Variants in FUT9 observed in about 807,000 individuals in gnomAD.
FUT9 encodes fucosyltransferase 9, also known as 4-galactosyl-N-acetylglucosaminide 3-alpha-L-fucosyltransferase 9.
FUT9 carries 15 observed loss-of-function variants against 29.7 expected under a neutral mutation model. The ratio of observed to expected loss-of-function variants is 0.51; its 90% CI spans 0.34 to 0.78. The LOEUF (loss-of-function observed/expected upper bound fraction) is 0.78. FUT9 is among the 30% of genes least tolerant of loss of function. The probability of loss-of-function intolerance (pLI) is 0.01; values close to 1 mark genes in which losing one functional copy is unlikely to be tolerated. For missense variants in FUT9, 319 were observed against 425.4 expected, an observed-to-expected ratio of 0.75 and a Z score of 2.20; for synonymous variants, 169 against 153.7, an observed-to-expected ratio of 1.10 and a Z score of -0.74.
intron 2 of FUT9, among the ~76,000 whole-genome samples, chr6:96,131,920 T>TA (rs1405181143): frequency 6.6e-6 from 1 of 152,116 alleles, no homozygotes; most frequent in African/African-American, 2.4e-5. Context: ...TTACAAGAGT[T>TA]ATTTTTCCTA....
At chr6:96,089,448 C>G (rs1012060032) in intron 1 of FUT9, among the ~76,000 whole-genome samples, 5 of 152,144 alleles carry the variant, frequency 3.3e-5, no homozygotes, top group African/African-American at 1.2e-4. Context: ...GTTTGCATCT[C>G]CTTTCTCAAA....
intron 1 of FUT9, among the ~76,000 whole-genome samples, chr6:96,060,910 A>G (rs1347652409): frequency 1.3e-5 from 2 of 152,212 alleles, no homozygotes; most frequent in Non-Finnish European, 2.9e-5. Flanking sequence ...TTCAATTAAT[A>G]AAAAAGACTT....
intron 1 of FUT9, among the ~76,000 whole-genome samples, chr6:96,025,450 C>T (rs970048296): frequency 4.0e-5 from 6 of 151,740 alleles, no homozygotes; most frequent in African/African-American, 1.5e-4. Context: ...CTGATTCTTA[C>T]AGACTTCTCT....
chr6:96,030,735 C>A (rs189643422), intron 1 of FUT9, among the ~76,000 whole-genome samples: 1 of 151,494 alleles, frequency 6.6e-6, no homozygotes, highest in Admixed American at 6.6e-5. Flanking sequence ...CCTAAGTGTC[C>A]ATCAACTGCT....
chr6:96,042,185 G>A (rs1441678186), intron 1 of FUT9, among the ~76,000 whole-genome samples: 1 of 152,056 alleles, frequency 6.6e-6, no homozygotes, highest in Non-Finnish European at 1.5e-5. Flanking sequence ...ACAGCCTCTG[G>A]GCAGGCATGG....
chr6:96,158,813 G>T (rs1435285253), intron 2 of FUT9, among the ~76,000 whole-genome samples: 1 of 151,922 alleles, frequency 6.6e-6, no homozygotes, highest in Non-Finnish European at 1.5e-5. Flanking sequence ...AACCTCTTAG[G>T]CTTGAATCCT....
chr6:96,022,434 C>T (rs1004342470), intron 1 of FUT9, among the ~76,000 whole-genome samples: 2 of 152,038 alleles, frequency 1.3e-5, no homozygotes, highest in Admixed American at 1.3e-4. Context: ...GGAAAGACAT[C>T]TGGAGGTGTT....
intron 2 of FUT9, among the ~76,000 whole-genome samples, chr6:96,150,129 A>G (rs1488724265): frequency 2.6e-5 from 4 of 152,174 alleles, no homozygotes; most frequent in Admixed American, 6.5e-5. Context: ...GTCATGTCCA[A>G]GAATAGAATA....
At chr6:96,082,746 G>A (rs1054976099) in intron 1 of FUT9, among the ~76,000 whole-genome samples, 9 of 151,812 alleles carry the variant, frequency 5.9e-5, no homozygotes, top group South Asian at 2.1e-4. Flanking sequence ...AAATTGCATC[G>A]TTAATATATT....
chr6:96,114,821 A>G (rs1014281540), intron 2 of FUT9, among the ~76,000 whole-genome samples: 1 of 152,178 alleles, frequency 6.6e-6, no homozygotes. Flanking sequence ...ATGAGAAAGA[A>G]ATAAAACAGC....
intron 1 of FUT9, among the ~76,000 whole-genome samples, chr6:96,113,341 C>G (rs1016797993): frequency 1.3e-5 from 2 of 151,744 alleles, no homozygotes; most frequent in Non-Finnish European, 2.9e-5. Context: ...GAGGTTCAAG[C>G]GATTCTCCTG....
intron 1 of FUT9, among the ~76,000 whole-genome samples, chr6:96,029,876 G>A (rs775511425): frequency 6.6e-6 from 1 of 151,456 alleles, no homozygotes; most frequent in Non-Finnish European, 1.5e-5. Context: ...GCAAAATGAA[G>A]GTGAGAAGTG....
intron 2 of FUT9, among the ~76,000 whole-genome samples, chr6:96,121,484 TTA>T (rs1399488399): frequency 6.6e-6 from 1 of 152,160 alleles, no homozygotes; most frequent in Non-Finnish European, 1.5e-5. Flanking sequence ...GAGTGAATAT[TTA>T]TGTTATCAAG....
At chr6:96,178,116 G>A (rs1459719753) in intron 2 of FUT9, among the ~76,000 whole-genome samples, 1 of 152,136 alleles carries the variant, frequency 6.6e-6, no homozygotes, top group Admixed American at 6.6e-5. Context: ...CAGAGGCCCA[G>A]AACATAATGG....
Position 96,208,847 on chromosome 6 carries a change from T to C in FUT9, c.*4612T>C, listed in dbSNP as rs932693383. 1 of 166,498 alleles carries C rather than the reference T, an allele frequency of 6.0e-6. No homozygotes were observed. The highest frequency in any genetic ancestry group is 1.5e-5 in the Non-Finnish European group (1 of 67,984). 10.3% of individuals were successfully genotyped at this position (166,498 alleles called of 1,614,324 possible). A position where few individuals can be genotyped will look rare whatever the true frequency, so the allele number is the denominator to read the frequency against. ...TTACCAAACCACATGGAGAGAAATA[T>C]AGTCTCTCTCCTAACTTCATTCCAT... On this transcript the variant is annotated 3_prime_UTR_variant, in exon 3 of 3. Coordinates refer to ENST00000302103, the MANE Select transcript of FUT9 (RefSeq NM_006581.4).
intron 1 of FUT9, among the ~76,000 whole-genome samples, chr6:96,024,264 T>A (rs1485060746): frequency 6.6e-6 from 1 of 151,836 alleles, no homozygotes; most frequent in Non-Finnish European, 1.5e-5. Context: ...TAGGTGCATA[T>A]GTCATTTGAT....
At chr6:96,179,971 T>C (rs1012765419) in intron 2 of FUT9, among the ~76,000 whole-genome samples, 2 of 152,114 alleles carry the variant, frequency 1.3e-5, no homozygotes, top group Admixed American at 6.6e-5. Context: ...TAGTGACACA[T>C]TCATGCTGTA....
chr6:96,043,715 G>T (rs918272191), intron 1 of FUT9, among the ~76,000 whole-genome samples: 6 of 152,176 alleles, frequency 3.9e-5, no homozygotes, highest in African/African-American at 1.4e-4. Context: ...TAGTTGGAAA[G>T]AATGCTCCCA....
At chr6:96,126,844 G>A (rs1055724381) in intron 2 of FUT9, among the ~76,000 whole-genome samples, 10 of 152,252 alleles carry the variant, frequency 6.6e-5, no homozygotes, top group African/African-American at 2.4e-4. Context: ...GGCAGTGAAT[G>A]AGAAATATAA....
Sources: gnomAD v4.1 joint callset for allele counts (sites outside exome capture counted in the v4.1 genomes callset) on GRCh38, gnomAD v4.1.1 for gene constraint, MANE v1.5 for transcripts, NCBI Gene and HGNC (gene_info 2026-07-23, HGNC 2026-07-21) for gene names.